The following TVP23A variants were observed in gnomAD, a reference collection of about 807,000 sequenced individuals.
The protein encoded by TVP23A is trans-golgi network vesicle protein 23 homolog A.
Under a neutral mutation model 31.7 loss-of-function variants are expected in TVP23A, and 21 were observed. The observed-to-expected ratio is 0.66, with a 90% confidence interval of 0.47 to 0.95. The LOEUF is 0.95. Among genes scored for constraint, TVP23A ranks in the 40% least tolerant of loss-of-function variants. The pLI, the probability that TVP23A is intolerant of heterozygous loss-of-function variation, is 0.00. For synonymous variants in TVP23A, 104 were observed against 96.0 expected, an observed-to-expected ratio of 1.08 and a Z score of -0.49; for missense variants, 279 against 255.6, an observed-to-expected ratio of 1.09 and a Z score of -0.62.
In TVP23A at chr16:10,818,728, C is replaced by T. The variant is rs1301202666; in HGVS notation, c.-235G>A. The stretch of plus-strand genomic sequence containing the variant: ...GGGCTCGGCTCGCCGGGGACGCGCC[C>T]AGGAGAGAAAGCGGCGGCAGGGAGG... On this transcript the variant is annotated 5_prime_UTR_variant, in exon 1 of 8. Transcript: ENST00000299866. The surrounding 1 kb of genome is among the most constrained non-coding windows in gnomAD (Gnocchi z 4.7). 2 of 502,380 alleles carry T rather than the reference C, an allele frequency of 4.0e-6. No individual in the cohort carries two copies. Among genetic ancestry groups the T allele is most frequent in the Admixed American group, 4.3e-5 (1 of 23,410 alleles). The allele number at this position is 502,380 out of a possible 1,614,324, so 31.1% of individuals were successfully genotyped here.
At chr16:10,770,166 A>C in intron 7 of TVP23A, 106 bp downstream of exon 7, 1 of 1,394,666 alleles carries the variant, frequency 7.2e-7, no homozygotes, top group South Asian at 1.3e-5. Context: ...TGGCCACCCC[A>C]GGGAACAGGG....
chr16:10,765,240 G>C (rs1269627324), downstream of TVP23A: 1 of 142,602 alleles, frequency 7.0e-6, no homozygotes, highest in Non-Finnish European at 1.5e-5. This position sits in a 1 kb window ranked among gnomAD's most constrained non-coding sequence, Gnocchi z 4.0. Context: ...GATACTAAAT[G>C]ATAGCAACTA....
intron 2 of TVP23A, among the ~76,000 whole-genome samples, chr16:10,812,206 T>C (rs1302361006): frequency 6.6e-6 from 1 of 152,126 alleles, no homozygotes. Context: ...CACAACGAAA[T>C]ACCATGGTTA....
chr16:10,777,265 A>C lies in TVP23A; in HGVS notation c.90-2169T>G, dbSNP rs2032096673. 1.3e-5 allele frequency among the ~76,000 whole-genome samples: 2 copies of C among 152,196 alleles called. No individual in the cohort carries two copies. Among genetic ancestry groups the C allele is most frequent in the South Asian group, 4.1e-4 (2 of 4,830 alleles). On this transcript the variant is annotated intron_variant, in intron 2 of 7. Transcript: ENST00000299866. The surrounding 1 kb of genome is among the most constrained non-coding windows in gnomAD (Gnocchi z 4.5). The stretch of plus-strand genomic sequence containing the variant: ...TGCCAGAGCCAAGATTTTCATGAGA[A>C]GTCAGAAATCCAGACTTGCAATGGG...
At chr16:10,803,228 G>C (rs1044596882) in intron 2 of TVP23A, among the ~76,000 whole-genome samples, 5 of 136,132 alleles carry the variant, frequency 3.7e-5, no homozygotes, top group African/African-American at 1.6e-4. Context: ...AGGTTGCAGT[G>C]AGCCGAGATC....
At chr16:10,807,824 C>T (rs770983660) in intron 2 of TVP23A, among the ~76,000 whole-genome samples, 6 of 152,188 alleles carry the variant, frequency 3.9e-5, no homozygotes, top group Non-Finnish European at 1.5e-5. Context: ...AGTATCTGCG[C>T]ACAATGTAAT....
chr16:10,810,355 C>A (rs1458884901), intron 2 of TVP23A, among the ~76,000 whole-genome samples: 4 of 152,052 alleles, frequency 2.6e-5, no homozygotes, highest in Non-Finnish European at 5.9e-5. Context: ...TCAAGACCAG[C>A]CTGGGCAACA....
chr16:10,795,709 G>C (rs181014903), intron 2 of TVP23A, among the ~76,000 whole-genome samples: 3 of 152,258 alleles, frequency 2.0e-5, no homozygotes, highest in African/African-American at 7.2e-5. Flanking sequence ...CATTCGATGA[G>C]GGGAGTTTCT....
downstream of TVP23A, among the ~76,000 whole-genome samples, chr16:10,765,334 A>AC (rs1249319878): frequency 2.0e-5 from 3 of 148,790 alleles, no homozygotes; most frequent in Non-Finnish European, 4.5e-5. This position sits in a 1 kb window ranked among gnomAD's most constrained non-coding sequence, Gnocchi z 4.0. Context: ...TCTTAAAAAA[A>AC]AAAAAAAAAA....
At chr16:10,780,823 C>A (rs1038334895) in intron 2 of TVP23A, among the ~76,000 whole-genome samples, 1 of 152,144 alleles carries the variant, frequency 6.6e-6, no homozygotes, top group African/African-American at 2.4e-5. Context: ...TTCGAAACAA[C>A]GGTTCCACCA....
At chr16:10,795,635 G>A (rs185764852) in intron 2 of TVP23A, among the ~76,000 whole-genome samples, 14 of 152,234 alleles carry the variant, frequency 9.2e-5, no homozygotes, top group Admixed American at 1.3e-4. Context: ...ACTGAGCAGC[G>A]AAGGACAAGT....
intron 2 of TVP23A, among the ~76,000 whole-genome samples, chr16:10,801,814 T>G (rs145200095): frequency 6.6e-6 from 1 of 152,206 alleles, no homozygotes; most frequent in East Asian, 1.9e-4. Flanking sequence ...AACTACAGAT[T>G]AGATAGTCTC....
chr16:10,795,453 G>A (rs547179624), intron 2 of TVP23A, among the ~76,000 whole-genome samples: 1 of 152,116 alleles, frequency 6.6e-6, no homozygotes, highest in Non-Finnish European at 1.5e-5. Flanking sequence ...GTTTCACCAT[G>A]TTGGCCAGGC....
chr16:10,787,964 T>C (rs1317490199), intron 2 of TVP23A, among the ~76,000 whole-genome samples: 4 of 152,130 alleles, frequency 2.6e-5, no homozygotes, highest in African/African-American at 9.7e-5. Context: ...TTTAAAGAGA[T>C]TAATCCTGAG....
chr16:10,773,285 C>A, intron 5 of TVP23A, 28 bp downstream of exon 5: 2 of 1,573,592 alleles, frequency 1.3e-6, no homozygotes, highest in South Asian at 1.2e-5. Context: ...GACATCAAAG[C>A]AATGTGGAAG....
chr16:10,804,270 T>G (rs1015004442), intron 2 of TVP23A, among the ~76,000 whole-genome samples: 1 of 152,212 alleles, frequency 6.6e-6, no homozygotes, highest in African/African-American at 2.4e-5. Context: ...TGGAAAATGC[T>G]TTCGTTGGGA....
chr16:10,765,386 G>T (rs1452906419), downstream of TVP23A, among the ~76,000 whole-genome samples: 1 of 151,000 alleles, frequency 6.6e-6, no homozygotes, highest in Admixed American at 6.6e-5. This position sits in a 1 kb window ranked among gnomAD's most constrained non-coding sequence, Gnocchi z 4.0. Flanking sequence ...ATGTGCCTGT[G>T]GTCCCAGCTA....
chr16:10,814,538 T>C (rs1269981853), intron 2 of TVP23A, among the ~76,000 whole-genome samples: 2 of 152,066 alleles, frequency 1.3e-5, no homozygotes, highest in African/African-American at 4.8e-5. Flanking sequence ...CTTTCCTCTG[T>C]CATCCCTGCC....
In TVP23A at chr16:10,773,384, G is replaced by A. The variant is rs2031767975; in HGVS notation, c.382C>T (p.Leu128Phe). Residue 128 changes from leucine (L) to phenylalanine (F), a missense_variant, in exon 5 of 8, where the codon CTC becomes TTC. Leu to Phe is a conservative substitution (Grantham distance 22). Transcript: ENST00000299866. ...ATCCATATCATGGGGCAGATTATGAGGCCCAGCCAGAAGATTCGTGCTTCA... is the reference window on the plus strand; with the variant it reads ...ATCCATATCATGGGGCAGATTATGAAGCCCAGCCAGAAGATTCGTGCTTCA... ...EAEARIFWLGLIICPMIWIVF... is the reference protein window; with the variant it reads ...EAEARIFWLGFIICPMIWIVF... 6.2e-7 allele frequency: 1 copy of A among 1,611,712 alleles called. No individual in the cohort carries two copies. Among genetic ancestry groups the A allele is most frequent in the Non-Finnish European group, 8.5e-7 (1 of 1,179,430 alleles).
Sources: allele counts gnomAD v4.1 joint callset (sites outside exome capture counted in the v4.1 genomes callset), GRCh38; gene constraint gnomAD v4.1.1; non-coding constraint Gnocchi (gnomAD v3.1); transcripts MANE v1.5; gene names NCBI Gene and HGNC (gene_info 2026-07-23, HGNC 2026-07-21).